TMPRSS11F: variants seen among roughly 807,000 people sequenced by gnomAD.
TMPRSS11F encodes transmembrane protease serine 11F.
In TMPRSS11F, 47 loss-of-function variants were observed where a neutral mutation model predicts 60.2. The observed-to-expected ratio is 0.78, with a 90% confidence interval of 0.62 to 1.00. The LOEUF (loss-of-function observed/expected upper bound fraction) is 1.00, where lower values mean the gene tolerates loss of function less well. Among genes scored for constraint, TMPRSS11F ranks in the 50% least tolerant of loss-of-function variants. The probability of loss-of-function intolerance (pLI) is 0.00; values close to 1 mark genes in which losing one functional copy is unlikely to be tolerated. For missense variants in TMPRSS11F, 519 were observed against 522.9 expected (o/e 0.99, Z 0.07); for synonymous variants, 166 against 167.3 (o/e 0.99, Z 0.06).
intron 3 of TMPRSS11F, among the ~76,000 whole-genome samples, chr4:68,082,390 A>G (rs767846599): frequency 8.2e-4 from 125 of 152,136 alleles, no homozygotes; most frequent in Non-Finnish European, 1.4e-3. Context: ...ACAGGAACCC[A>G]TCCTCCAAGG....
intron 3 of TMPRSS11F, among the ~76,000 whole-genome samples, chr4:68,089,283 C>T (rs917944832): frequency 1.3e-5 from 2 of 151,978 alleles, no homozygotes; most frequent in African/African-American, 4.8e-5. Flanking sequence ...AGTAAAGGTA[C>T]TTGAGGGCAT....
chr4:68,075,967 TG>T (rs1026885703), intron 3 of TMPRSS11F, among the ~76,000 whole-genome samples: 38 of 150,486 alleles, frequency 2.5e-4, no homozygotes, highest in African/African-American at 8.6e-4. Context: ...CACTCCAGCC[TG>T]GGCAACAGAG....
chr4:68,092,673 A>G (rs1253902542), intron 2 of TMPRSS11F, among the ~76,000 whole-genome samples: 3 of 152,068 alleles, frequency 2.0e-5, no homozygotes, highest in Admixed American at 6.6e-5. Context: ...AATTCAAGCT[A>G]TTTCTCAAGG....
At chr4:68,077,390 T>G (rs1282130753) in intron 3 of TMPRSS11F, 2 of 152,216 alleles carry the variant, frequency 1.3e-5, no homozygotes, top group Non-Finnish European at 2.9e-5. Context: ...CCACATAGAC[T>G]GCATTCTCTG....
chr4:68,079,541 C>T (rs906289609), intron 3 of TMPRSS11F, among the ~76,000 whole-genome samples: 3 of 152,074 alleles, frequency 2.0e-5, no homozygotes, highest in Admixed American at 6.5e-5. Flanking sequence ...ACTATTCCTC[C>T]TCAGATACCT....
intron 1 of TMPRSS11F, among the ~76,000 whole-genome samples, chr4:68,107,165 A>C (rs1449281085): frequency 3.3e-5 from 5 of 152,230 alleles, no homozygotes; most frequent in Non-Finnish European, 4.4e-5. Context: ...AGTATTAATA[A>C]AAATAAATTT....
chr4:68,062,335 C>T (rs1429964635), intron 8 of TMPRSS11F: 10 of 461,858 alleles, frequency 2.2e-5, no homozygotes, highest in Non-Finnish European at 3.8e-5. Flanking sequence ...GTACGTTTCT[C>T]AGTTTCCCAA....
At chr4:68,121,305 C>G (rs1310256281) in intron 1 of TMPRSS11F, among the ~76,000 whole-genome samples, 1 of 151,906 alleles carries the variant, frequency 6.6e-6, no homozygotes, top group African/African-American at 2.4e-5. Context: ...ACTGAGTATG[C>G]GAAAACACCT....
At chr4:68,077,010 C>A (rs181192458) in intron 3 of TMPRSS11F, among the ~76,000 whole-genome samples, 1 of 152,306 alleles carries the variant, frequency 6.6e-6, no homozygotes, top group Admixed American at 6.5e-5. Flanking sequence ...CACAGCATTA[C>A]CCACTCATAC....
Position 68,064,666 on chromosome 4 carries a change from T to C in TMPRSS11F, c.1015+19A>G. On this transcript the variant is annotated intron_variant, in intron 8 of 9. Coordinates refer to ENST00000356291, the MANE Select transcript of TMPRSS11F (RefSeq NM_207407.2). ...TCAAGACATTCTTGTGCTAAGAAAA[T>C]TAGGTTGAAACTGCTCACCATCATC... is the stretch of plus-strand genomic sequence containing the variant. 6.2e-7 allele frequency: 1 copy of C among 1,607,250 alleles called. No homozygotes were observed. Among genetic ancestry groups the C allele is most frequent in the East Asian group, 2.2e-5 (1 of 44,776 alleles).
At chr4:68,085,916 A>G (rs1231702221) in intron 3 of TMPRSS11F, among the ~76,000 whole-genome samples, 2 of 152,158 alleles carry the variant, frequency 1.3e-5, no homozygotes. Context: ...TTGGACAGCT[A>G]CACAATTATG....
intron 3 of TMPRSS11F, among the ~76,000 whole-genome samples, chr4:68,078,410 T>G (rs1312704968): frequency 6.6e-6 from 1 of 152,234 alleles, no homozygotes; most frequent in Non-Finnish European, 1.5e-5. Flanking sequence ...GGCCACCTTG[T>G]CATCTTGAAT....
chr4:68,055,189 G>T (rs1723019299), intron 9 of TMPRSS11F, among the ~76,000 whole-genome samples: 1 of 152,166 alleles, frequency 6.6e-6, no homozygotes, highest in African/African-American at 2.4e-5. Context: ...TGGAAGGTAA[G>T]GAAAGACAAG....
intron 1 of TMPRSS11F, among the ~76,000 whole-genome samples, chr4:68,129,528 T>A (rs1209769941): frequency 1.3e-5 from 2 of 152,140 alleles, no homozygotes; most frequent in African/African-American, 4.8e-5. Flanking sequence ...AGTGTAGGTT[T>A]TACTAAATGT....
Position 68,064,787 on chromosome 4 carries a change from A to T in TMPRSS11F, c.913T>A (p.Phe305Ile), listed in dbSNP as rs1723287812. The stretch of plus-strand genomic sequence containing the variant: ...CAAACTCTCTGGACTATATTTGAAA[A>T]CTCAACTCCAGTAGAGAGCTGAACC... ...ALVQLSTGVEFSNIVQRVCLP... is the reference protein window; with the variant it reads ...ALVQLSTGVEISNIVQRVCLP... The change falls in exon 8 of 10, where the codon TTT becomes ATT. Residue 305 changes from phenylalanine (F) to isoleucine (I), a missense_variant. By Grantham distance (21) the Phe-to-Ile change is conservative. Transcript: ENST00000356291. 1 of 1,613,812 alleles carries T rather than the reference A, an allele frequency of 6.2e-7. No homozygotes were observed. The highest frequency in any genetic ancestry group is 1.3e-5 in the African/African-American group (1 of 74,828).
chr4:68,068,620 C>T lies in TMPRSS11F; in HGVS notation c.753G>A (p.Trp251Ter). Residue 251 changes from tryptophan (W) to a stop codon, truncating the protein, a stop_gained and splice_region_variant, in exon 7 of 10, where the codon TGG becomes TGA. Transcript: ENST00000356291. LOFTEE classifies it high-confidence loss of function. ...CACAGCAGCCTTGGTTAACTTACTT[C>T]CAAAAGCAGTGAGCTGCTGTGAGCA... The part of the protein sequence containing the change: ...TWLLTAAHCF[W>*]KNKDPTQWIA... 1.2e-6 allele frequency: 2 copies of T among 1,613,798 alleles called. No individual in the cohort carries two copies. The highest frequency in any genetic ancestry group is 1.3e-5 in the African/African-American group (1 of 75,008).
Position 68,069,978 on chromosome 4 carries a change from G to A in TMPRSS11F, c.544C>T (p.Leu182Phe). 1.2e-6 allele frequency: 2 copies of A among 1,605,008 alleles called. No individual in the cohort carries two copies. Among genetic ancestry groups the A allele is most frequent in the South Asian group, 1.1e-5 (1 of 89,780 alleles). Residue 182 changes from leucine (L) to phenylalanine (F), a missense_variant, in exon 6 of 10, where the codon CTC becomes TTC. By Grantham distance (22) the Leu-to-Phe change is conservative. Transcript: ENST00000356291. ...PIDSKKMRNLLNSRCGIRMTS... is the reference protein window; with the variant it reads ...PIDSKKMRNLFNSRCGIRMTS... Reference sequence around the variant, plus strand: ...GGGTTTTGGAACTTACGACTGTTGAGAAGATTCCTCATCTTTTTGCTGTCA... The same window carrying A: ...GGGTTTTGGAACTTACGACTGTTGAAAAGATTCCTCATCTTTTTGCTGTCA...
chr4:68,087,319 T>G (rs1385626062), intron 3 of TMPRSS11F, among the ~76,000 whole-genome samples: 1 of 152,110 alleles, frequency 6.6e-6, no homozygotes, highest in African/African-American at 2.4e-5. Context: ...CATCCCTTCA[T>G]GATAAAAACC....
chr4:68,103,445 C>CAAAAAAA (rs56223617), intron 1 of TMPRSS11F, among the ~76,000 whole-genome samples: 1 of 142,114 alleles, frequency 7.0e-6, no homozygotes, highest in Non-Finnish European at 1.5e-5. Context: ...GACCCTGTCT[C>CAAAAAAA]AAAAAAAAAA....
Sources: allele counts gnomAD v4.1 joint callset (sites outside exome capture counted in the v4.1 genomes callset), GRCh38; gene constraint gnomAD v4.1.1; transcripts MANE v1.5; gene names NCBI Gene and HGNC (gene_info 2026-07-23, HGNC 2026-07-21).